The following BBS9 variants were observed in gnomAD, a reference collection of about 807,000 sequenced individuals.
BBS9 encodes the protein Bardet-Biedl syndrome 9, also known as protein PTHB1.
BBS9 carries 89 observed loss-of-function variants against 117.7 expected under a neutral mutation model. The observed-to-expected ratio is 0.76, with a 90% CI of 0.64 to 0.90. BBS9 has a LOEUF of 0.90. Ranked by LOEUF, BBS9 falls within the 40% of genes least tolerant of loss-of-function variation. BBS9 has a pLI of 0.00. For synonymous variants in BBS9, 379 were observed against 370.9 expected (o/e 1.02, Z -0.25); for missense variants, 982 against 1,042.2 (o/e 0.94, Z 0.80).
chr7:33,631,624 C>T (rs991573407), intron 21 of BBS9, among the ~76,000 whole-genome samples: 11 of 152,162 alleles, frequency 7.2e-5, no homozygotes, highest in African/African-American at 2.7e-4. Context: ...AGAGGCCCTC[C>T]CAGTGGTGGC....
chr7:33,469,302 C>G (rs759316039), intron 19 of BBS9, among the ~76,000 whole-genome samples: 2 of 152,108 alleles, frequency 1.3e-5, no homozygotes, highest in Admixed American at 1.3e-4. Context: ...ATGTCTTTTC[C>G]CCCTATCTAG....
intron 9 of BBS9, among the ~76,000 whole-genome samples, chr7:33,283,880 T>C (rs1802371159): frequency 6.6e-6 from 1 of 152,218 alleles, no homozygotes; most frequent in Admixed American, 6.5e-5. Context: ...ATTTTCTCTT[T>C]TGCCCTGGGG....
At chr7:33,251,387 A>C (rs929550445) in intron 5 of BBS9, among the ~76,000 whole-genome samples, 4 of 152,176 alleles carry the variant, frequency 2.6e-5, no homozygotes, top group African/African-American at 9.7e-5. Flanking sequence ...TGGGGTACTA[A>C]TTGGTTTACA....
In BBS9 at chr7:33,264,407, A is replaced by G. The variant is rs187651906; in HGVS notation, c.702+33A>G. 1.0e-3 allele frequency: 1,237 copies of G among 1,225,352 alleles called. 7 individuals are homozygous for G. In the African/African-American group the frequency reaches 0.011, roughly 11 times the overall value. 75.9% of individuals were successfully genotyped at this position (1,225,352 alleles called of 1,614,324 possible). On this transcript the variant is annotated intron_variant, in intron 7 of 22. Coordinates refer to ENST00000242067, the MANE Select transcript of BBS9 (RefSeq NM_198428.3). ...CTTTTTTTAATATATAAAAATTTCA[A>G]TAATGCTATATCTAATCACATATGT...
chr7:33,334,452 G>A (rs924571698), intron 9 of BBS9, among the ~76,000 whole-genome samples: 7 of 152,110 alleles, frequency 4.6e-5, no homozygotes, highest in East Asian at 1.9e-4. Flanking sequence ...CATTGGGTTC[G>A]TAGGGCTTAG....
chr7:33,366,543 C>CTTTTTTTTTTTTTTTTTTTT (rs70989948), intron 16 of BBS9, among the ~76,000 whole-genome samples: 3 of 89,692 alleles, frequency 3.3e-5, no homozygotes, highest in Non-Finnish European at 6.2e-5. Flanking sequence ...TCTTTTCTTT[C>CTTTTTTTTTTTTTTTTTTTT]TTTTTTTTTT....
chr7:33,189,753 G>A (rs997007043), intron 5 of BBS9, among the ~76,000 whole-genome samples: 38 of 151,826 alleles, frequency 2.5e-4, no homozygotes, highest in African/African-American at 9.2e-4. Flanking sequence ...GGGCGTGGTG[G>A]CATGTGCCTG....
chr7:33,257,337 G>A lies in BBS9; in HGVS notation c.544G>A (p.Gly182Ser). 1 of 1,613,854 alleles carries A rather than the reference G, an allele frequency of 6.2e-7. No homozygotes were observed. Among genetic ancestry groups the A allele is most frequent in the Non-Finnish European group, 8.5e-7 (1 of 1,179,860 alleles). The stretch of plus-strand genomic sequence containing the variant: ...ATTTCTCCCTGGCTTTCTTCTGCCT[G>A]GTCCTCTTGCCTACAGTTCCCGTAC... ...GRFLPGFLLP[G>S]PLAYSSRTDS... The change falls in exon 6 of 23, where the codon GGT becomes AGT. Residue 182 changes from glycine (G) to serine (S), a missense_variant. Transcript: ENST00000242067.
intron 19 of BBS9, among the ~76,000 whole-genome samples, chr7:33,429,467 G>A (rs1159789939): frequency 6.6e-6 from 1 of 152,024 alleles, no homozygotes; most frequent in East Asian, 1.9e-4. Context: ...CTATGAATTT[G>A]TGTTTGAGTA....
intron 19 of BBS9, among the ~76,000 whole-genome samples, chr7:33,426,119 G>A (rs1833627464): frequency 6.6e-6 from 1 of 152,140 alleles, no homozygotes; most frequent in Non-Finnish European, 1.5e-5. Context: ...AGTAGAATTA[G>A]AGAAGGAAAA....
chr7:33,501,871 A>G (rs1480457904), intron 19 of BBS9, among the ~76,000 whole-genome samples: 1 of 151,926 alleles, frequency 6.6e-6, no homozygotes, highest in African/African-American at 2.4e-5. Context: ...CTACCTTTTT[A>G]ATGTCATCAA....
At chr7:33,484,059 G>A (rs1418995735) in intron 19 of BBS9, among the ~76,000 whole-genome samples, 1 of 152,204 alleles carries the variant, frequency 6.6e-6, no homozygotes, top group African/African-American at 2.4e-5. Flanking sequence ...GCAATGTGGA[G>A]AAAAAGTTCT....
At chr7:33,243,475 A>G (rs1794856390) in intron 5 of BBS9, among the ~76,000 whole-genome samples, 1 of 152,212 alleles carries the variant, frequency 6.6e-6, no homozygotes, top group South Asian at 2.1e-4. Flanking sequence ...AAGATTTTTA[A>G]TGGGATCGTA....
chr7:33,234,220 A>G (rs1190743880), intron 5 of BBS9, among the ~76,000 whole-genome samples: 1 of 152,138 alleles, frequency 6.6e-6, no homozygotes, highest in Non-Finnish European at 1.5e-5. Context: ...ATGTATGTAT[A>G]GGAAAAAACA....
intron 21 of BBS9, among the ~76,000 whole-genome samples, chr7:33,627,518 A>G (rs1265401413): frequency 6.6e-6 from 1 of 152,122 alleles, no homozygotes; most frequent in East Asian, 1.9e-4. Context: ...AGAATGGTAG[A>G]TCCACTGACA....
chr7:33,193,279 CTG>C (rs940658578), intron 5 of BBS9, among the ~76,000 whole-genome samples: 12 of 152,078 alleles, frequency 7.9e-5, no homozygotes. Context: ...CACTTTGTCA[CTG>C]TGTGTTTGTT....
At chr7:33,433,366 G>A (rs777619715) in intron 19 of BBS9, among the ~76,000 whole-genome samples, 2 of 152,120 alleles carry the variant, frequency 1.3e-5, no homozygotes, top group Non-Finnish European at 2.9e-5. Context: ...CAATGAGAAA[G>A]CAACAATTGT....
At chr7:33,482,260 G>T (rs1192189335) in intron 19 of BBS9, among the ~76,000 whole-genome samples, 1 of 152,194 alleles carries the variant, frequency 6.6e-6, no homozygotes, top group African/African-American at 2.4e-5. Flanking sequence ...TGCTCACTGA[G>T]TGGCAGAGGG....
chr7:33,366,067 G>A (rs963135523), intron 16 of BBS9, among the ~76,000 whole-genome samples: 1 of 152,212 alleles, frequency 6.6e-6, no homozygotes, highest in Non-Finnish European at 1.5e-5. Flanking sequence ...TTAGGGGAAT[G>A]TGCAAGGTTT....
Sources: allele counts gnomAD v4.1 joint callset (sites outside exome capture counted in the v4.1 genomes callset), GRCh38; gene constraint gnomAD v4.1.1; transcripts MANE v1.5; gene names NCBI Gene and HGNC (gene_info 2026-07-23, HGNC 2026-07-21).